DOK6: variants seen among roughly 807,000 people sequenced by gnomAD.
DOK6 encodes the protein downstream of tyrosine kinase 6.
DOK6 carries 22 observed loss-of-function variants against 44.0 expected under a neutral mutation model. That is an observed-to-expected ratio of 0.50 (90% CI 0.36 to 0.71). The LOEUF (loss-of-function observed/expected upper bound fraction) is 0.71. Among genes scored for constraint, DOK6 ranks in the 30% least tolerant of loss-of-function variants. DOK6 has a pLI of 0.00. For missense variants in DOK6, 340 were observed against 416.4 expected, an observed-to-expected ratio of 0.82 and a Z score of 1.60; for synonymous variants, 166 against 145.5, an observed-to-expected ratio of 1.14 and a Z score of -1.01.
At chr18:69,623,577 G>A (rs901353014) in intron 3 of DOK6, among the ~76,000 whole-genome samples, 8 of 152,302 alleles carry the variant, frequency 5.3e-5, no homozygotes, top group Admixed American at 3.3e-4. Flanking sequence ...GTAAGGCAAT[G>A]TAGGGCACTG....
At chr18:69,581,629 G>A (rs1983371751) in intron 2 of DOK6, among the ~76,000 whole-genome samples, 1 of 152,096 alleles carries the variant, frequency 6.6e-6, no homozygotes, top group African/African-American at 2.4e-5. Flanking sequence ...ATTCAGGCAT[G>A]GGATATAATT....
chr18:69,653,201 C>T (rs565441256), intron 3 of DOK6, among the ~76,000 whole-genome samples: 2 of 151,940 alleles, frequency 1.3e-5, no homozygotes, highest in Admixed American at 1.3e-4. Flanking sequence ...TACCTTGAAG[C>T]GTTTGCCAAT....
intron 7 of DOK6, among the ~76,000 whole-genome samples, chr18:69,816,466 A>G (rs1173990818): frequency 6.6e-6 from 1 of 152,152 alleles, no homozygotes; most frequent in Non-Finnish European, 1.5e-5. Flanking sequence ...CAACCTTAAA[A>G]CAGATTAGCA....
At chr18:69,791,196 T>C (rs941002756) in intron 7 of DOK6, among the ~76,000 whole-genome samples, 5 of 152,206 alleles carry the variant, frequency 3.3e-5, no homozygotes, top group Admixed American at 3.3e-4. Flanking sequence ...TTATTGTCAA[T>C]AGGGCTGCAA....
chr18:69,444,857 T>C (rs1979238001), intron 1 of DOK6, among the ~76,000 whole-genome samples: 1 of 152,102 alleles, frequency 6.6e-6, no homozygotes, highest in African/African-American at 2.4e-5. Flanking sequence ...TCCATATGAA[T>C]TTTGGATCAG....
chr18:69,602,728 AT>A (rs531662408), intron 3 of DOK6, among the ~76,000 whole-genome samples: 1 of 152,156 alleles, frequency 6.6e-6, no homozygotes, highest in Non-Finnish European at 1.5e-5. Context: ...CCAAAATGAG[AT>A]TTTTTTGTTT....
intron 1 of DOK6, among the ~76,000 whole-genome samples, chr18:69,494,463 G>T (rs968871236): frequency 6.8e-6 from 1 of 146,032 alleles, no homozygotes; most frequent in Non-Finnish European, 1.5e-5. Context: ...GTGATAGAGT[G>T]AGATTCTGTC....
chr18:69,737,920 C>T (rs1252138558), intron 5 of DOK6, among the ~76,000 whole-genome samples: 1 of 152,240 alleles, frequency 6.6e-6, no homozygotes, highest in Non-Finnish European at 1.5e-5. Flanking sequence ...GCACTCGCTA[C>T]TTATCAATGG....
In DOK6 at chr18:69,542,251, A is replaced by G. The variant is rs1982289050; in HGVS notation, c.67-22236A>G. Among the ~76,000 whole-genome samples, 2 of 150,950 alleles carry G rather than the reference A, an allele frequency of 1.3e-5. 1 individual carries two copies. Among genetic ancestry groups the G allele is most frequent in the Non-Finnish European group, 3.0e-5 (2 of 67,348 alleles). On this transcript the variant is annotated intron_variant, in intron 1 of 7. Transcript: ENST00000382713. ...TTAACAATAATTTAGTATTATGCCA[A>G]ACTTTAAGCTACTTCGCTTTTCTGC... is the stretch of plus-strand genomic sequence containing the variant.
chr18:69,726,706 G>A (rs1262792494), intron 5 of DOK6, among the ~76,000 whole-genome samples: 7 of 151,572 alleles, frequency 4.6e-5, no homozygotes, highest in Admixed American at 1.3e-4. Context: ...CACAGTTCTC[G>A]TGGCTGAGAG....
intron 1 of DOK6, among the ~76,000 whole-genome samples, chr18:69,408,364 C>T (rs1018389430): frequency 4.6e-5 from 7 of 151,626 alleles, no homozygotes; most frequent in African/African-American, 1.7e-4. Flanking sequence ...TATGCAGATA[C>T]TTGTCCAGGC....
chr18:69,728,935 A>G (rs1227399223), intron 5 of DOK6, among the ~76,000 whole-genome samples: 1 of 152,180 alleles, frequency 6.6e-6, no homozygotes, highest in African/African-American at 2.4e-5. Flanking sequence ...TTGTGACATC[A>G]AGGACAGCCC....
rs1228958323 is a variant in DOK6 at position 69,698,578 on chromosome 18, C to T, written c.584C>T (p.Thr195Met). The T allele has an allele frequency of 6.2e-6, 10 of 1,613,338 alleles. No homozygotes were observed. The highest frequency in any genetic ancestry group is 1.3e-5 in the African/African-American group (1 of 74,884). The change falls in exon 5 of 8, where the codon ACG (threonine) becomes ATG (methionine). Residue 195 changes from threonine to methionine, a missense_variant. By Grantham distance (81) the Thr-to-Met change is moderately conservative. Around this residue, in one of 3 missense-constraint regions of DOK6, gnomAD observed 206 missense variants for 258.6 expected, o/e 0.80. Transcript: ENST00000382713. ...TACGGTCGGGACTCAACGTGGTTCA[C>T]GTTTGAGTCAGGAAGGTAAGATCTA... ...RRYGRDSTWF[T>M]FESGRMCDTG...
intron 7 of DOK6, among the ~76,000 whole-genome samples, chr18:69,771,975 T>C (rs1429082931): frequency 1.5e-5 from 2 of 136,100 alleles, no homozygotes; most frequent in Non-Finnish European, 3.2e-5. Flanking sequence ...ACTGAAAACA[T>C]AGAACATTCT....
At chr18:69,709,461 T>C (rs1223631924) in intron 5 of DOK6, among the ~76,000 whole-genome samples, 1 of 152,196 alleles carries the variant, frequency 6.6e-6, no homozygotes, top group Non-Finnish European at 1.5e-5. Context: ...TCTACTTTTG[T>C]TGGGAAAATG....
intron 4 of DOK6, among the ~76,000 whole-genome samples, chr18:69,692,305 G>A (rs1299220278): frequency 1.3e-5 from 2 of 152,222 alleles, no homozygotes; most frequent in Non-Finnish European, 2.9e-5. Flanking sequence ...ATGGGCAATA[G>A]TGAATTAAAC....
intron 1 of DOK6, among the ~76,000 whole-genome samples, chr18:69,560,045 T>C (rs1982790265): frequency 6.6e-6 from 1 of 152,112 alleles, no homozygotes; most frequent in Admixed American, 6.6e-5. Flanking sequence ...AGTTCAGTCA[T>C]GGCAGTATCA....
At chr18:69,728,494 C>T (rs1396989713) in intron 5 of DOK6, among the ~76,000 whole-genome samples, 1 of 152,172 alleles carries the variant, frequency 6.6e-6, no homozygotes, top group African/African-American at 2.4e-5. Flanking sequence ...TACTCCAAAT[C>T]TCAGAAGTGA....
chr18:69,837,920 T>C (rs1982097610), intron 7 of DOK6, among the ~76,000 whole-genome samples: 1 of 152,224 alleles, frequency 6.6e-6, no homozygotes, highest in African/African-American at 2.4e-5. Flanking sequence ...GTATGGACTC[T>C]TGATTTGATG....
Sources: gnomAD v4.1 joint callset for allele counts (sites outside exome capture counted in the v4.1 genomes callset) on GRCh38, gnomAD v4.1.1 for gene constraint, gnomAD v4.1.1 regional missense constraint, MANE v1.5 for transcripts, NCBI Gene and HGNC (gene_info 2026-07-23, HGNC 2026-07-21) for gene names.